Variants in UVRAG observed in about 807,000 individuals in gnomAD.
The protein encoded by UVRAG is UV radiation resistance-associated gene protein.
UVRAG carries 19 observed loss-of-function variants against 78.0 expected under a neutral mutation model. The ratio of observed to expected loss-of-function variants is 0.24; its 90% CI spans 0.17 to 0.36. The LOEUF (loss-of-function observed/expected upper bound fraction) is 0.36. UVRAG is among the 10% of genes least tolerant of loss of function. UVRAG has a pLI of 1.00. For missense variants in UVRAG, 740 were observed against 853.8 expected (o/e 0.87, Z 1.66); for synonymous variants, 323 against 324.6 (o/e 1.00, Z 0.05).
At chr11:76,138,218 T>C (rs1408641080) in intron 14 of UVRAG, among the ~76,000 whole-genome samples, 1 of 152,252 alleles carries the variant, frequency 6.6e-6, no homozygotes, top group African/African-American at 2.4e-5. Flanking sequence ...TTGAATGTCG[T>C]GTTCCCTTGT....
intron 8 of UVRAG, among the ~76,000 whole-genome samples, chr11:76,003,149 G>C (rs904126868): frequency 4.6e-5 from 7 of 151,476 alleles, no homozygotes; most frequent in Admixed American, 2.0e-4. Context: ...CACATTCATG[G>C]AGTTAAATTT....
chr11:76,057,623 C>A (rs139203323), intron 12 of UVRAG, among the ~76,000 whole-genome samples: 1 of 152,190 alleles, frequency 6.6e-6, no homozygotes, highest in Non-Finnish European at 1.5e-5. Flanking sequence ...TTCCATCTCA[C>A]GTGCCTATGG....
intron 5 of UVRAG, among the ~76,000 whole-genome samples, chr11:75,902,416 G>A (rs1486307704): frequency 6.6e-6 from 1 of 152,162 alleles, no homozygotes; most frequent in Non-Finnish European, 1.5e-5. Context: ...TAATGCCCAC[G>A]CTGATCTGAC....
chr11:75,994,989 CAA>C (rs1949677364), intron 8 of UVRAG, among the ~76,000 whole-genome samples: 1 of 152,070 alleles, frequency 6.6e-6, no homozygotes, highest in Non-Finnish European at 1.5e-5. Context: ...TCTGCATAAA[CAA>C]AACAAAACAA....
chr11:75,999,724 C>T (rs1949775638), intron 8 of UVRAG, among the ~76,000 whole-genome samples: 1 of 152,066 alleles, frequency 6.6e-6, no homozygotes, highest in Non-Finnish European at 1.5e-5. Flanking sequence ...TATAATATTA[C>T]AAGCTGAATA....
chr11:75,977,038 A>G (rs1409023790), intron 7 of UVRAG, among the ~76,000 whole-genome samples: 5 of 152,182 alleles, frequency 3.3e-5, no homozygotes, highest in African/African-American at 1.2e-4. Flanking sequence ...ACAGTGCTTT[A>G]AATGTGTCCC....
At position 76,083,518 on chromosome 11, in the gene UVRAG, T is replaced by C. The variant is rs532287901; in HGVS notation, c.1305+17730T>C. ...TGGGTATTGGGGCATTTGCCACTTA[T>C]AGGTCAAGCCCCTGCACTGAGTGTT... On this transcript the variant is annotated intron_variant, in intron 13 of 14. Coordinates refer to ENST00000356136, the MANE Select transcript of UVRAG (RefSeq NM_003369.4). 3.9e-5 allele frequency among the ~76,000 whole-genome samples: 6 copies of C among 152,332 alleles called. No individual in the cohort carries two copies. The South Asian group carries it at 8.3e-4, about 21-fold the overall frequency.
At chr11:75,874,532 C>T (rs939368948) in intron 3 of UVRAG, among the ~76,000 whole-genome samples, 9 of 152,042 alleles carry the variant, frequency 5.9e-5, no homozygotes, top group Admixed American at 5.2e-4. Context: ...TATGGTATTT[C>T]GTCTTAACTA....
chr11:75,984,868 T>TA (rs1949466240), intron 8 of UVRAG, among the ~76,000 whole-genome samples: 3 of 152,264 alleles, frequency 2.0e-5, no homozygotes, highest in Admixed American at 2.0e-4. Context: ...AATTTATTTA[T>TA]CTACTCTTGC....
intron 7 of UVRAG, among the ~76,000 whole-genome samples, chr11:75,966,942 C>T (rs1319719246): frequency 1.3e-5 from 2 of 152,188 alleles, no homozygotes; most frequent in Non-Finnish European, 2.9e-5. Context: ...CCATTCTCTG[C>T]CTTCCTCTAT....
Position 76,098,824 on chromosome 11 carries a change from T to C in UVRAG, c.1306-17100T>C, listed in dbSNP as rs78969790. Among the ~76,000 whole-genome samples, 588 of 152,324 alleles carry C rather than the reference T, an allele frequency of 3.9e-3. 3 individuals are homozygous for C. The highest frequency in any genetic ancestry group is 7.0e-3 in the Non-Finnish European group (474 of 68,018). On this transcript the variant is annotated intron_variant, in intron 13 of 14. Transcript: ENST00000356136. The stretch of plus-strand genomic sequence containing the variant: ...TTGTCCAAAATTGTTCATGCCTGCA[T>C]AGGTGATTCACACATTATATAAAAT...
intron 14 of UVRAG, 137 bp from the exon 15 acceptor site, chr11:76,140,574 T>C (rs1952698268): frequency 3.3e-6 from 3 of 904,906 alleles, no homozygotes; most frequent in Admixed American, 3.3e-5. Context: ...GACACTGCAA[T>C]AACTATTGTC....
At chr11:75,838,132 A>G (rs1161226080) in intron 1 of UVRAG, among the ~76,000 whole-genome samples, 2 of 152,238 alleles carry the variant, frequency 1.3e-5, no homozygotes, top group Non-Finnish European at 2.9e-5. Context: ...AAATTATTCC[A>G]TATCAGTGAT....
chr11:76,025,698 A>C (rs575041302), intron 12 of UVRAG, among the ~76,000 whole-genome samples: 2 of 152,290 alleles, frequency 1.3e-5, no homozygotes, highest in African/African-American at 2.4e-5. Context: ...TCTGATTTCA[A>C]GACAGAATTT....
chr11:75,891,644 G>A (rs916130614), intron 5 of UVRAG, among the ~76,000 whole-genome samples: 1 of 152,184 alleles, frequency 6.6e-6, no homozygotes, highest in African/African-American at 2.4e-5. Flanking sequence ...GTGATAGTCT[G>A]TAATCCCAGT....
intron 12 of UVRAG, among the ~76,000 whole-genome samples, chr11:76,024,629 C>G (rs186067674): frequency 6.6e-6 from 1 of 152,202 alleles, no homozygotes; most frequent in Admixed American, 6.5e-5. Context: ...ACAATTGATG[C>G]TGTCTTAGAT....
chr11:75,950,660 C>T (rs1170422977), intron 6 of UVRAG, among the ~76,000 whole-genome samples: 1 of 152,054 alleles, frequency 6.6e-6, no homozygotes, highest in Non-Finnish European at 1.5e-5. Context: ...TTTTACAGTC[C>T]CTCCAGCAAT....
intron 2 of UVRAG, among the ~76,000 whole-genome samples, chr11:75,857,535 G>A (rs1291795815): frequency 4.8e-4 from 72 of 150,800 alleles, no homozygotes; most frequent in Non-Finnish European, 2.5e-4. Context: ...TGTTGCCCAG[G>A]CTGGAGTGCA....
intron 7 of UVRAG, among the ~76,000 whole-genome samples, chr11:75,963,478 C>G (rs1948949484): frequency 6.6e-6 from 1 of 152,194 alleles, no homozygotes; most frequent in Admixed American, 6.5e-5. Context: ...TTACCTATAG[C>G]ATATTAGAAA....
Sources: allele counts gnomAD v4.1 joint callset (sites outside exome capture counted in the v4.1 genomes callset), GRCh38; gene constraint gnomAD v4.1.1; transcripts MANE v1.5; gene names NCBI Gene and HGNC (gene_info 2026-07-23, HGNC 2026-07-21).